The following APLF variants were observed in gnomAD, a reference collection of about 807,000 sequenced individuals.
The protein encoded by APLF is aprataxin and PNKP like factor, also known as aprataxin and PNK-like factor.
A neutral mutation model predicts 55.6 loss-of-function variants in APLF; 61 were observed. That is an observed-to-expected ratio of 1.10 (90% CI 0.89 to 1.36). The LOEUF (loss-of-function observed/expected upper bound fraction) is 1.36, where lower values mean the gene tolerates loss of function less well. APLF is among the 40% of genes most tolerant of loss of function. APLF has a pLI of 0.00. For synonymous variants in APLF, 207 were observed against 214.8 expected (o/e 0.96, Z 0.32); for missense variants, 611 against 602.5 (o/e 1.01, Z -0.15).
intron 5 of APLF, among the ~76,000 whole-genome samples, chr2:68,519,942 A>C (rs1669847820): frequency 6.6e-6 from 1 of 151,858 alleles, no homozygotes; most frequent in Non-Finnish European, 1.5e-5. Flanking sequence ...AGCAGTGTAA[A>C]AGTGTTCCCT....
intron 8 of APLF, among the ~76,000 whole-genome samples, chr2:68,556,722 A>C (rs191387802): frequency 6.6e-6 from 1 of 152,200 alleles, no homozygotes; most frequent in African/African-American, 2.4e-5. Flanking sequence ...TTAGGCTACC[A>C]TGTGTCATGC....
In APLF at chr2:68,545,181, T is replaced by G. The variant is rs1670668810; in HGVS notation, c.1161-6T>G. 6.2e-7 allele frequency: 1 copy of G among 1,612,226 alleles called. No individual in the cohort carries two copies. Among genetic ancestry groups the G allele is most frequent in the African/African-American group, 1.3e-5 (1 of 74,812 alleles). ...TTTTCTGACAGTATATTTGTCGCCC[T>G]CCTAGGAAGAATCCTGTTCATTTTC... On this transcript the variant is annotated splice_polypyrimidine_tract_variant and splice_region_variant and intron_variant, in intron 7 of 9. Transcript: ENST00000303795.
At chr2:68,496,340 G>T (rs1676546127) in intron 2 of APLF, among the ~76,000 whole-genome samples, 1 of 152,050 alleles carries the variant, frequency 6.6e-6, no homozygotes, top group African/African-American at 2.4e-5. Context: ...CCTGACCTCA[G>T]GTGATTCACC....
chr2:68,532,087 A>G (rs557665799), intron 6 of APLF, among the ~76,000 whole-genome samples: 2 of 152,302 alleles, frequency 1.3e-5, no homozygotes, highest in African/African-American at 4.8e-5. Context: ...AAATCCCAGC[A>G]GAGCCTTTCC....
chr2:68,566,259 A>G (rs1282938166), intron 8 of APLF, among the ~76,000 whole-genome samples: 1 of 152,140 alleles, frequency 6.6e-6, no homozygotes, highest in African/African-American at 2.4e-5. Flanking sequence ...GAGAAAGAGA[A>G]GATTTAAGGC....
chr2:68,566,759 G>A (rs150334444), intron 8 of APLF, among the ~76,000 whole-genome samples: 4 of 152,180 alleles, frequency 2.6e-5, no homozygotes, highest in African/African-American at 9.6e-5. Flanking sequence ...TCATAAGTAC[G>A]TATAATCAAA....
Position 68,495,382 on chromosome 2 carries a change from C to G in APLF, c.168+5121C>G, listed in dbSNP as rs1421621110. On this transcript the variant is annotated intron_variant, in intron 2 of 9. Coordinates refer to ENST00000303795, the MANE Select transcript of APLF (RefSeq NM_173545.3). Reference sequence around the variant, plus strand: ...AGGGTCTGTAGGCCCAACACAAGTTCAAAACCCATTAGGGCAGTCAGTAAG... The same window carrying G: ...AGGGTCTGTAGGCCCAACACAAGTTGAAAACCCATTAGGGCAGTCAGTAAG... 2.6e-5 allele frequency among the ~76,000 whole-genome samples: 4 copies of G among 152,196 alleles called. No individual in the cohort carries two copies. The East Asian group carries it at 7.7e-4, about 29-fold the overall frequency.
chr2:68,532,361 A>G (rs563061210), intron 6 of APLF, among the ~76,000 whole-genome samples: 1 of 152,318 alleles, frequency 6.6e-6, no homozygotes, highest in East Asian at 1.9e-4. Flanking sequence ...AGGGACAAAA[A>G]TCACTTATGC....
chr2:68,567,379 C>A lies in APLF; in HGVS notation c.1325C>A (p.Thr442Lys). The A allele has an allele frequency of 3.1e-6, 5 of 1,600,728 alleles. No individual in the cohort carries two copies. Among genetic ancestry groups the A allele is most frequent in the Non-Finnish European group, 4.3e-6 (5 of 1,173,808 alleles). Residue 442 changes from threonine to lysine, a missense_variant, in exon 9 of 10, where the codon ACG becomes AAG. Transcript: ENST00000303795. The stretch of plus-strand genomic sequence containing the variant: ...CACAAGATAGAATATAGACATAATA[C>A]GCTTCCAGGTAAGTAAGTTTACTTC... ...PQHKIEYRHN[T>K]LPVRNVLDED...
intron 5 of APLF, among the ~76,000 whole-genome samples, chr2:68,518,315 A>C (rs1486599067): frequency 8.8e-6 from 1 of 113,352 alleles, no homozygotes. Context: ...TATATTATTT[A>C]ATAATATATA....
chr2:68,515,146 A>C (rs1029958842), intron 5 of APLF, among the ~76,000 whole-genome samples: 7 of 151,734 alleles, frequency 4.6e-5, no homozygotes, highest in African/African-American at 9.7e-5. Context: ...AAGTGTTCTC[A>C]TGGGAAAAGT....
chr2:68,579,249 A>G lies in APLF; in HGVS notation c.*1227A>G. On this transcript the variant is annotated 3_prime_UTR_variant, in exon 10 of 10. Coordinates refer to ENST00000303795, the MANE Select transcript of APLF (RefSeq NM_173545.3). Reference sequence around the variant, plus strand: ...AATATTTACTTAAACTGGAACAAGAATAAGATAAACATTTCTCTAGACTAT... The same window carrying G: ...AATATTTACTTAAACTGGAACAAGAGTAAGATAAACATTTCTCTAGACTAT... 1 of 819,734 alleles carries G rather than the reference A, an allele frequency of 1.2e-6. No homozygotes were observed. The highest frequency in any genetic ancestry group is 1.5e-6 in the Non-Finnish European group (1 of 679,234). The allele number at this position is 819,734 out of a possible 1,614,324, so 50.8% of individuals were successfully genotyped here.
At chr2:68,518,471 T>G (rs1362746408) in intron 5 of APLF, among the ~76,000 whole-genome samples, 2 of 114,276 alleles carry the variant, frequency 1.8e-5, no homozygotes, top group African/African-American at 3.7e-5. Context: ...TATAACATAT[T>G]AATAATACAT....
intron 1 of APLF, among the ~76,000 whole-genome samples, chr2:68,471,848 T>C (rs767610830): frequency 1.3e-5 from 2 of 152,162 alleles, no homozygotes; most frequent in Non-Finnish European, 2.9e-5. Flanking sequence ...GAGCCAAATA[T>C]GAGTGACCAT....
intron 5 of APLF, among the ~76,000 whole-genome samples, chr2:68,516,962 A>T (rs1174356656): frequency 8.0e-6 from 1 of 125,576 alleles, no homozygotes; most frequent in East Asian, 2.2e-4. Context: ...TATAATATAT[A>T]ATAATATAAT....
chr2:68,573,401 A>C (rs1671536710), intron 9 of APLF, among the ~76,000 whole-genome samples: 2 of 152,162 alleles, frequency 1.3e-5, no homozygotes, highest in Non-Finnish European at 1.5e-5. Flanking sequence ...GGCCAGGCAC[A>C]GTGGCTCACA....
chr2:68,499,724 A>C (rs993760516), intron 2 of APLF, among the ~76,000 whole-genome samples: 22 of 152,258 alleles, frequency 1.4e-4, no homozygotes, highest in African/African-American at 5.1e-4. Context: ...CTGTAGTCCC[A>C]GCTACTCAGG....
intron 5 of APLF, among the ~76,000 whole-genome samples, chr2:68,518,017 T>G (rs1669689051): frequency 7.2e-6 from 1 of 139,272 alleles, no homozygotes; most frequent in Non-Finnish European, 1.5e-5. Context: ...CAGTAATATA[T>G]CACTAATATA....
At chr2:68,531,147 G>A (rs1670243204) in intron 6 of APLF, among the ~76,000 whole-genome samples, 3 of 152,196 alleles carry the variant, frequency 2.0e-5, no homozygotes, top group Admixed American at 2.0e-4. Context: ...TGGTTTGGCT[G>A]AAATACGCAT....
Sources: allele counts gnomAD v4.1 joint callset (sites outside exome capture counted in the v4.1 genomes callset), GRCh38; gene constraint gnomAD v4.1.1; transcripts MANE v1.5; gene names NCBI Gene and HGNC (gene_info 2026-07-23, HGNC 2026-07-21).